Variants in CEMIP2 observed in about 807,000 individuals in gnomAD.
CEMIP2 encodes the protein cell migration inducing hyaluronidase 2.
Under a neutral mutation model 146.9 loss-of-function variants are expected in CEMIP2, and 79 were observed. The observed-to-expected ratio is 0.54, with a 90% CI of 0.45 to 0.65. The LOEUF is 0.65. CEMIP2 is among the 30% of genes least tolerant of loss of function. CEMIP2 has a pLI of 0.00. For synonymous variants in CEMIP2, 601 were observed against 606.3 expected, an observed-to-expected ratio of 0.99 and a Z score of 0.13; for missense variants, 1,596 against 1,696.2, an observed-to-expected ratio of 0.94 and a Z score of 1.04.
chr9:71,751,499 A>C (rs1824252869), intron 1 of CEMIP2, among the ~76,000 whole-genome samples: 1 of 152,156 alleles, frequency 6.6e-6, no homozygotes, highest in South Asian at 2.1e-4. Context: ...ATGCTCCCCA[A>C]GTGATTCTCA....
At chr9:71,707,924 C>T (rs749348605) in intron 17 of CEMIP2, among the ~76,000 whole-genome samples, 1 of 152,180 alleles carries the variant, frequency 6.6e-6, no homozygotes, top group African/African-American at 2.4e-5. Flanking sequence ...CGGTGGCTCA[C>T]GCCTGTAATC....
At chr9:71,759,924 C>T (rs1260052502) in intron 1 of CEMIP2, among the ~76,000 whole-genome samples, 1 of 150,942 alleles carries the variant, frequency 6.6e-6, no homozygotes, top group Non-Finnish European at 1.5e-5. Flanking sequence ...ATTTAAAATA[C>T]TCATTTTACC....
chr9:71,728,231 C>CTCTCTCTCTCTATATA (rs1554684626), intron 10 of CEMIP2, among the ~76,000 whole-genome samples: 1 of 14,776 alleles, frequency 6.8e-5, no homozygotes. Flanking sequence ...CTCTCTCTCT[C>CTCTCTCTCTCTATATA]TATATATATA....
chr9:71,727,798 T>C (rs6560229), intron 10 of CEMIP2, among the ~76,000 whole-genome samples: 116,589 of 152,158 alleles, frequency 0.77, 45,555 homozygotes, highest in Non-Finnish European at 0.84. Flanking sequence ...CGGTGGCTCA[T>C]GCCTGTAATC....
chr9:71,701,520 C>T (rs964758476), intron 18 of CEMIP2, among the ~76,000 whole-genome samples: 3 of 152,110 alleles, frequency 2.0e-5, no homozygotes, highest in Non-Finnish European at 2.9e-5. Context: ...TATAGGTGTA[C>T]AAGATAGAAA....
chr9:71,688,868 A>C (rs1392811146), intron 22 of CEMIP2, among the ~76,000 whole-genome samples: 2 of 152,212 alleles, frequency 1.3e-5, no homozygotes, highest in Non-Finnish European at 2.9e-5. Flanking sequence ...AGTCACTGCC[A>C]GTTGCTCCAT....
Position 71,694,578 on chromosome 9 carries a change from A to G in CEMIP2, c.3627T>C (p.Ser1209=), listed in dbSNP as rs1392965487. The change falls in exon 21 of 24, where the codon AGT becomes AGC. Residue 1209 remains serine, a synonymous_variant. Transcript: ENST00000377044. ...QVVFTSDPHK[S]YLPVQFQSPD... is the part of the protein sequence containing the mutation. ...GTGACTGGAATTGCACAGGGAGGTA[A>G]CTTTTATGAGGATCACTAGTAAACA... The G allele has an allele frequency of 6.2e-7, 1 of 1,613,798 alleles. No homozygotes were observed. Among genetic ancestry groups the G allele is most frequent in the Non-Finnish European group, 8.5e-7 (1 of 1,179,858 alleles).
At chr9:71,738,750 T>C (rs1157870181) in intron 5 of CEMIP2, among the ~76,000 whole-genome samples, 1 of 151,604 alleles carries the variant, frequency 6.6e-6, no homozygotes, top group African/African-American at 2.4e-5. Context: ...AGGCAGATAA[T>C]TGCTTGAACC....
At chr9:71,737,845 A>G (rs1823804324) in intron 5 of CEMIP2, among the ~76,000 whole-genome samples, 1 of 152,204 alleles carries the variant, frequency 6.6e-6, no homozygotes, top group African/African-American at 2.4e-5. Context: ...GATTTTATAC[A>G]AATAATAATA....
intron 13 of CEMIP2, among the ~76,000 whole-genome samples, chr9:71,716,952 G>A (rs764121856): frequency 9.2e-5 from 14 of 152,158 alleles, no homozygotes; most frequent in Non-Finnish European, 1.2e-4. Flanking sequence ...CAGGAGAATC[G>A]CTTGAGCCCA....
In CEMIP2 at chr9:71,704,686, G is replaced by A. The variant is rs1185964992; in HGVS notation, c.3103C>T (p.Gln1035Ter). 1 of 1,614,140 alleles carries A rather than the reference G, an allele frequency of 6.2e-7. No homozygotes were observed. Among genetic ancestry groups the A allele is most frequent in the Non-Finnish European group, 8.5e-7 (1 of 1,180,022 alleles). ...INQKAAFPQYQPVVMLEKGYT... is the reference protein window; with the variant it reads ...INQKAAFPQY ...CCCTTCTCCAGCATGACGACAGGCT[G>A]GTACTGTGGAAAGGCAGCCTTCTGA... Residue 1035 changes from glutamine to a stop codon, truncating the protein, a stop_gained, in exon 18 of 24, where the codon CAG becomes TAG. Transcript: ENST00000377044. LOFTEE classifies it high-confidence loss of function.
chr9:71,721,351 A>C (rs1472857502), intron 12 of CEMIP2, among the ~76,000 whole-genome samples: 2 of 152,154 alleles, frequency 1.3e-5, no homozygotes, highest in African/African-American at 2.4e-5. Flanking sequence ...TCTTAAGTTT[A>C]TCTCTTCTAT....
chr9:71,730,636 G>C (rs1823588011), intron 8 of CEMIP2, 69 bp downstream of exon 8: 3 of 1,488,258 alleles, frequency 2.0e-6, no homozygotes. Context: ...ATAAAATTGA[G>C]AAGACATGAG....
chr9:71,734,874 A>G lies in CEMIP2; in HGVS notation c.1325T>C (p.Met442Thr). Residue 442 changes from methionine to threonine, a missense_variant, in exon 6 of 24, where the codon ATG (methionine) becomes ACG (threonine). Physicochemically the swap from Met to Thr is moderately conservative, Grantham distance 81 (BLOSUM62 -1). Coordinates refer to ENST00000377044, the MANE Select transcript of CEMIP2 (RefSeq NM_013390.3). ...QIVVASTDYS[M>T]YQAEEFTLLP... is the part of the protein sequence containing the mutation. ...AAGAGTGAACTCCTCTGCTTGGTAC[A>G]TGGAATAGTCTGTGCTTGCGACCAC... 1 of 1,614,092 alleles carries G rather than the reference A, an allele frequency of 6.2e-7. No homozygotes were observed. Among genetic ancestry groups the G allele is most frequent in the Non-Finnish European group, 8.5e-7 (1 of 1,180,004 alleles).
At chr9:71,752,493 A>AGAGG (rs1564026040) in intron 1 of CEMIP2, among the ~76,000 whole-genome samples, 1 of 2,468 alleles carries the variant, frequency 4.1e-4, no homozygotes, top group Non-Finnish European at 7.7e-4. Context: ...GGAGGGAAGG[A>AGAGG]GGGAGGAAGG....
chr9:71,695,933 T>C (rs1382746141), intron 20 of CEMIP2, among the ~76,000 whole-genome samples: 5 of 151,722 alleles, frequency 3.3e-5, no homozygotes, highest in Non-Finnish European at 5.9e-5. Context: ...CTAGGCAACA[T>C]AGTGAGACCC....
Position 71,730,784 on chromosome 9 carries a change from T to A in CEMIP2, c.1694A>T (p.His565Leu). The A allele has an allele frequency of 4.3e-6, 7 of 1,614,218 alleles. No homozygotes were observed. Among genetic ancestry groups the A allele is most frequent in the Non-Finnish European group, 5.9e-6 (7 of 1,180,036 alleles). The part of the protein sequence containing the change: ...GDVDYKGGYR[H>L]ATFVDGLSIH... The stretch of plus-strand genomic sequence containing the variant: ...AGACAGGCCGTCCACAAATGTTGCA[T>A]GTCTGTATCCTCCTTTATAATCCAC... Residue 565 changes from histidine (H) to leucine (L), a missense_variant, in exon 8 of 24, where the codon CAT (histidine) becomes CTT (leucine). Coordinates refer to ENST00000377044, the MANE Select transcript of CEMIP2 (RefSeq NM_013390.3).
At position 71,705,960 on chromosome 9, in the gene CEMIP2, G is replaced by A. The variant is rs139953834; in HGVS notation, c.2986-1157C>T. ...AAGCACATATTCGGCCAGGCACAGT[G>A]GCTCATGCCTGTAATCCCAGCACTT... On this transcript the variant is annotated intron_variant, in intron 17 of 23. Coordinates refer to ENST00000377044, the MANE Select transcript of CEMIP2 (RefSeq NM_013390.3). Among the ~76,000 whole-genome samples the A allele has an allele frequency of 4.9e-3, 745 of 152,086 alleles. 3 individuals are homozygous for A. The highest frequency in any genetic ancestry group is 8.1e-3 in the Non-Finnish European group (548 of 68,000).
chr9:71,756,901 CTTTAT>C (rs1824476789), intron 1 of CEMIP2, among the ~76,000 whole-genome samples: 1 of 152,182 alleles, frequency 6.6e-6, no homozygotes, highest in Admixed American at 6.5e-5. Context: ...TTCCACTCCA[CTTTAT>C]TTTGTTATGT....
Sources: gnomAD v4.1 joint callset for allele counts (sites outside exome capture counted in the v4.1 genomes callset) on GRCh38, gnomAD v4.1.1 for gene constraint, MANE v1.5 for transcripts, NCBI Gene and HGNC (gene_info 2026-07-23, HGNC 2026-07-21) for gene names.